APBB2: variants seen among roughly 807,000 people sequenced by gnomAD.
APBB2 encodes the protein Fe65-like 1.
APBB2 carries 38 observed loss-of-function variants against 82.5 expected under a neutral mutation model. The observed-to-expected ratio is 0.46, with a 90% CI of 0.36 to 0.60. APBB2 has a LOEUF of 0.60. APBB2 is among the 20% of genes least tolerant of loss of function. The probability of loss-of-function intolerance (pLI) is 0.00; values close to 1 mark genes in which losing one functional copy is unlikely to be tolerated. For missense variants in APBB2, 772 were observed against 972.3 expected (o/e 0.79, Z 2.74); for synonymous variants, 341 against 368.2 (o/e 0.93, Z 0.85).
chr4:40,957,319 T>C (rs1243265769), intron 6 of APBB2, among the ~76,000 whole-genome samples: 2 of 152,206 alleles, frequency 1.3e-5, no homozygotes, highest in African/African-American at 2.4e-5. Flanking sequence ...CAATCACATT[T>C]TTTTTTATTA....
chr4:40,994,535 C>T (rs746183550), intron 6 of APBB2, among the ~76,000 whole-genome samples: 6 of 151,334 alleles, frequency 4.0e-5, no homozygotes, highest in Admixed American at 1.3e-4. Flanking sequence ...TATCTTGGGC[C>T]GGGTGCAGTG....
chr4:40,999,796 G>A (rs561993379), intron 6 of APBB2, among the ~76,000 whole-genome samples: 1 of 152,188 alleles, frequency 6.6e-6, no homozygotes, highest in Admixed American at 6.5e-5. Context: ...TTGGAGGTAC[G>A]CTATTACCTT....
At position 40,818,084 on chromosome 4, in the gene APBB2, A is replaced by G. The variant is rs187296786; in HGVS notation, c.2113-1825T>C. 4.1e-4 allele frequency among the ~76,000 whole-genome samples: 63 copies of G among 152,364 alleles called. 1 individual carries two copies. Among genetic ancestry groups the G allele is most frequent in the African/African-American group, 1.5e-3 (61 of 41,590 alleles). ...GTCTTCTGTTGGGCCTATACCACAC[A>G]GCTGTAAAATATGCCTAAAAATTAA... is the stretch of plus-strand genomic sequence containing the variant. On this transcript the variant is annotated intron_variant, in intron 17 of 17. Transcript: ENST00000508593.
intron 10 of APBB2, among the ~76,000 whole-genome samples, chr4:40,922,462 T>C (rs1349620596): frequency 1.3e-5 from 2 of 152,220 alleles, no homozygotes; most frequent in African/African-American, 4.8e-5. Context: ...GATTTTCTTA[T>C]AAGCACGAGT....
At chr4:40,990,572 C>G (rs984046945) in intron 6 of APBB2, among the ~76,000 whole-genome samples, 1 of 152,134 alleles carries the variant, frequency 6.6e-6, no homozygotes, top group Non-Finnish European at 1.5e-5. Context: ...CACAGCCTAC[C>G]ATTCCAAACC....
chr4:40,926,993 C>A (rs761569303), intron 10 of APBB2, among the ~76,000 whole-genome samples: 23 of 152,338 alleles, frequency 1.5e-4, no homozygotes, highest in Admixed American at 1.4e-3. Context: ...GTTCATGGCG[C>A]TCTCTCTTTC....
intron 12 of APBB2, among the ~76,000 whole-genome samples, chr4:40,840,353 T>G (rs1373112272): frequency 6.6e-6 from 1 of 152,188 alleles, no homozygotes; most frequent in East Asian, 1.9e-4. Flanking sequence ...GACTGGATGC[T>G]TTTATTTTCT....
At chr4:40,942,205 AC>A (rs2154379201) in intron 7 of APBB2, among the ~76,000 whole-genome samples, 1 of 152,312 alleles carries the variant, frequency 6.6e-6, no homozygotes, top group East Asian at 1.9e-4. Context: ...TATTATGGGA[AC>A]AACTGAAAGG....
intron 2 of APBB2, among the ~76,000 whole-genome samples, chr4:41,125,864 T>C (rs1279862859): frequency 1.3e-5 from 2 of 152,178 alleles, no homozygotes; most frequent in Non-Finnish European, 2.9e-5. Flanking sequence ...TGGCATCCCA[T>C]GCACATGGTC....
At chr4:41,044,556 A>AT (rs1157125962) in intron 4 of APBB2, among the ~76,000 whole-genome samples, 3 of 152,190 alleles carry the variant, frequency 2.0e-5, no homozygotes, top group South Asian at 4.1e-4. Context: ...TCCTCCACTG[A>AT]TTTTTTTGCA....
chr4:41,171,462 C>T lies in APBB2; in HGVS notation c.-416-28320G>A, dbSNP rs559217009. Reference sequence around the variant, plus strand: ...CTAAAGCAGGGGAAGGTGTCAGAAGCCAACTTTGAATCTTGTTGAATAAAC... The same window carrying T: ...CTAAAGCAGGGGAAGGTGTCAGAAGTCAACTTTGAATCTTGTTGAATAAAC... On this transcript the variant is annotated intron_variant, in intron 1 of 17. Coordinates refer to ENST00000508593, the MANE Select transcript of APBB2 (RefSeq NM_004307.2). Among the ~76,000 whole-genome samples the T allele has an allele frequency of 3.1e-4, 47 of 152,122 alleles. No individual in the cohort carries two copies. In the South Asian group the frequency reaches 6.7e-3, roughly 22 times the overall value.
At chr4:41,098,442 C>A (rs1033413813) in intron 3 of APBB2, among the ~76,000 whole-genome samples, 2 of 152,144 alleles carry the variant, frequency 1.3e-5, no homozygotes, top group South Asian at 4.1e-4. Flanking sequence ...CTCTGCCCCC[C>A]AAAAGTGTTG....
chr4:41,024,706 T>C (rs568987075), intron 5 of APBB2, among the ~76,000 whole-genome samples: 2 of 152,352 alleles, frequency 1.3e-5, no homozygotes, highest in East Asian at 3.9e-4. Flanking sequence ...AGTTTACAGA[T>C]TCCTGTTTTC....
At chr4:40,965,494 G>A (rs1450142921) in intron 6 of APBB2, among the ~76,000 whole-genome samples, 1 of 152,162 alleles carries the variant, frequency 6.6e-6, no homozygotes, top group Non-Finnish European at 1.5e-5. Context: ...CATATTAAAC[G>A]TGTCTAGTCC....
chr4:41,062,463 G>C (rs899624046), intron 4 of APBB2, among the ~76,000 whole-genome samples: 1 of 152,012 alleles, frequency 6.6e-6, no homozygotes, highest in African/African-American at 2.4e-5. Context: ...ACAGCACCCA[G>C]CCAAATCTTA....
intron 10 of APBB2, among the ~76,000 whole-genome samples, chr4:40,928,909 T>C (rs966285530): frequency 1.3e-5 from 2 of 150,066 alleles, no homozygotes; most frequent in African/African-American, 2.5e-5. Context: ...AATGAATGAA[T>C]GAACGAACGA....
chr4:41,013,894 A>G lies in APBB2; in HGVS notation c.524T>C (p.Leu175Pro). ...ATGGTGATTGCCTCGGTTCTGCTCTAGTTCTCTGGCTGAGGTTTCCAGATC... is the reference window on the plus strand; with the variant it reads ...ATGGTGATTGCCTCGGTTCTGCTCTGGTTCTCTGGCTGAGGTTTCCAGATC... ...YADLETSARE[L>P]EQNRGNHHGT... The change falls in exon 6 of 18, where the codon CTA becomes CCA. Residue 175 changes from leucine (L) to proline (P), a missense_variant. Leu to Pro is a moderately conservative substitution (Grantham distance 98). Transcript: ENST00000508593. 6.2e-7 allele frequency: 1 copy of G among 1,614,122 alleles called. No homozygotes were observed. The highest frequency in any genetic ancestry group is 8.5e-7 in the Non-Finnish European group (1 of 1,179,998).
chr4:41,158,031 C>A (rs1257906798), intron 1 of APBB2, among the ~76,000 whole-genome samples: 1 of 152,044 alleles, frequency 6.6e-6, no homozygotes, highest in Non-Finnish European at 1.5e-5. Context: ...GCCACGGACT[C>A]CAAAGTGCAT....
At chr4:40,993,228 T>C (rs1265158296) in intron 6 of APBB2, among the ~76,000 whole-genome samples, 5 of 152,170 alleles carry the variant, frequency 3.3e-5, no homozygotes, top group African/African-American at 9.7e-5. Context: ...ATAGCACAGC[T>C]GGGATTTAAA....
Sources: allele counts gnomAD v4.1 joint callset (sites outside exome capture counted in the v4.1 genomes callset), GRCh38; gene constraint gnomAD v4.1.1; transcripts MANE v1.5; gene names NCBI Gene and HGNC (gene_info 2026-07-23, HGNC 2026-07-21).